Variants in CMSS1 observed in about 807,000 individuals in gnomAD.
CMSS1 encodes the protein protein CMSS1.
In CMSS1, 33 loss-of-function variants were observed where a neutral mutation model predicts 43.5. The ratio of observed to expected loss-of-function variants is 0.76; its 90% CI spans 0.57 to 1.01. CMSS1 has a LOEUF of 1.01. CMSS1 is among the 50% of genes least tolerant of loss of function. CMSS1 has a pLI of 0.00. For synonymous variants in CMSS1, 115 were observed against 117.2 expected, an observed-to-expected ratio of 0.98 and a Z score of 0.12; for missense variants, 313 against 326.4, an observed-to-expected ratio of 0.96 and a Z score of 0.32.
At chr3:100,176,855 T>C (rs1251512859) in intron 9 of CMSS1, among the ~76,000 whole-genome samples, 1 of 152,204 alleles carries the variant, frequency 6.6e-6, no homozygotes, top group African/African-American at 2.4e-5. Flanking sequence ...TTACTTAATT[T>C]AGAAAGATAT....
chr3:99,887,512 C>T (rs976743093), intron 1 of CMSS1, among the ~76,000 whole-genome samples: 2 of 152,128 alleles, frequency 1.3e-5, no homozygotes, highest in Admixed American at 6.6e-5. Flanking sequence ...ATCCAGGCTA[C>T]GAATAGGTCT....
Position 99,872,269 on chromosome 3 carries a change from CTGTGTGTGTGTGTGTG to C in CMSS1, c.64+54265_64+54280del, listed in dbSNP as rs55727823. On this transcript the variant is annotated intron_variant, in intron 1 of 9. Transcript: ENST00000421999. ...ATTCTGTGGATATTCTGTGCCAGGA[CTGTGTGTGTGTGTGTG>C]TGTGTGTGTGTGTGTGTGTGTGTGT... Among the ~76,000 whole-genome samples, 122 of 110,822 alleles carry C rather than the reference CTGTGTGTGTGTGTGTG, an allele frequency of 1.1e-3. 1 individual carries two copies. Among genetic ancestry groups the C allele is most frequent in the African/African-American group, 1.4e-3 (42 of 29,286 alleles). The allele number at this position is 110,822 out of a possible 152,430, so 72.7% of individuals were successfully genotyped here.
chr3:100,045,963 G>A (rs1559738159), intron 1 of CMSS1, among the ~76,000 whole-genome samples: 2 of 152,104 alleles, frequency 1.3e-5, no homozygotes, highest in Non-Finnish European at 2.9e-5. Context: ...AGAAGGGAAG[G>A]GGAAGAAGCT....
intron 1 of CMSS1, among the ~76,000 whole-genome samples, chr3:100,065,865 G>A (rs2065654850): frequency 1.3e-5 from 2 of 152,286 alleles, no homozygotes; most frequent in South Asian, 2.1e-4. Context: ...TGTGTTCTAT[G>A]CTGTAAGGTA....
At chr3:99,881,037 GC>G (rs1254633792) in intron 1 of CMSS1, among the ~76,000 whole-genome samples, 1 of 152,074 alleles carries the variant, frequency 6.6e-6, no homozygotes, top group Non-Finnish European at 1.5e-5. Context: ...CTGCCTGTTG[GC>G]CCCCTAACAT....
intron 1 of CMSS1, among the ~76,000 whole-genome samples, chr3:99,901,532 G>C (rs1382617937): frequency 2.0e-5 from 3 of 152,182 alleles, no homozygotes; most frequent in Non-Finnish European, 2.9e-5. Context: ...TTGGCTATTA[G>C]CCAGATGTTC....
intron 1 of CMSS1, among the ~76,000 whole-genome samples, chr3:99,963,165 T>G (rs1184378827): frequency 6.6e-6 from 1 of 152,198 alleles, no homozygotes; most frequent in East Asian, 1.9e-4. Flanking sequence ...ATGCTCTTAC[T>G]CTTAGGGAAA....
At chr3:99,959,777 GA>G (rs1708439916) in intron 1 of CMSS1, among the ~76,000 whole-genome samples, 1 of 152,128 alleles carries the variant, frequency 6.6e-6, no homozygotes, top group Non-Finnish European at 1.5e-5. Flanking sequence ...TAATTGTATA[GA>G]AAACAATTAA....
chr3:100,162,389 C>T lies in CMSS1; in HGVS notation c.312C>T (p.Ser104=). The change falls in exon 4 of 10, where the codon AGC becomes AGT. Residue 104 remains serine (S), a synonymous_variant. Transcript: ENST00000421999. ...DLQKLMKDYY[S]SRRLVIELEE... is the part of the protein sequence containing the mutation. ...AGAAGCTGATGAAGGACTATTATAG[C>T]AGCAGACGCTTGGTGATTGAATTAG... 6.2e-7 allele frequency: 1 copy of T among 1,613,448 alleles called. No individual in the cohort carries two copies. Among genetic ancestry groups the T allele is most frequent in the Non-Finnish European group, 8.5e-7 (1 of 1,179,538 alleles).
At chr3:99,989,302 T>A (rs1274543941) in intron 1 of CMSS1, among the ~76,000 whole-genome samples, 7 of 152,244 alleles carry the variant, frequency 4.6e-5, no homozygotes, top group Non-Finnish European at 1.0e-4. Flanking sequence ...GGCTCTTGAC[T>A]GCATGTCTAG....
At chr3:100,002,883 C>T (rs958587680) in intron 1 of CMSS1, among the ~76,000 whole-genome samples, 1 of 152,172 alleles carries the variant, frequency 6.6e-6, no homozygotes, top group Admixed American at 6.5e-5. Flanking sequence ...TTCATATTGC[C>T]TTCTCTGATG....
At chr3:99,891,451 C>T (rs1405871246) in intron 1 of CMSS1, among the ~76,000 whole-genome samples, 2 of 152,174 alleles carry the variant, frequency 1.3e-5, no homozygotes, top group Non-Finnish European at 2.9e-5. Context: ...TCTAGGTTTT[C>T]ACTTTTATTC....
At chr3:99,948,678 G>A (rs1448559802) in intron 1 of CMSS1, among the ~76,000 whole-genome samples, 1 of 148,934 alleles carries the variant, frequency 6.7e-6, no homozygotes, top group Non-Finnish European at 1.5e-5. Context: ...GAAAGAGGAA[G>A]AAGAAGAGGA....
At chr3:99,850,020 A>T in intron 1 of CMSS1, 1 of 1,607,500 alleles carries the variant, frequency 6.2e-7, no homozygotes, top group Non-Finnish European at 8.5e-7. Context: ...TTTCTTCTAC[A>T]TCGGTTTTGG....
At chr3:99,973,508 G>A (rs1363524219) in intron 1 of CMSS1, among the ~76,000 whole-genome samples, 1 of 151,490 alleles carries the variant, frequency 6.6e-6, no homozygotes, top group Non-Finnish European at 1.5e-5. Flanking sequence ...TCCTTATTTT[G>A]AAAGTTTAAG....
intron 1 of CMSS1, among the ~76,000 whole-genome samples, chr3:100,143,620 T>C (rs2066822259): frequency 6.6e-6 from 1 of 152,216 alleles, no homozygotes; most frequent in Non-Finnish European, 1.5e-5. Flanking sequence ...CTAGTCATTC[T>C]CTCAATTTTT....
At chr3:100,119,555 C>G (rs1038186415) in intron 1 of CMSS1, among the ~76,000 whole-genome samples, 2 of 152,202 alleles carry the variant, frequency 1.3e-5, no homozygotes, top group Non-Finnish European at 2.9e-5. Context: ...CAGCCTCTGG[C>G]ACATAGTCAA....
chr3:100,109,552 C>A (rs1487335686), intron 1 of CMSS1, among the ~76,000 whole-genome samples: 1 of 152,040 alleles, frequency 6.6e-6, no homozygotes, highest in Admixed American at 6.6e-5. Flanking sequence ...GGGGTTTTTT[C>A]CCACAATGTT....
intron 1 of CMSS1, among the ~76,000 whole-genome samples, chr3:100,142,812 T>G (rs2066815802): frequency 6.6e-6 from 1 of 152,194 alleles, no homozygotes; most frequent in South Asian, 2.1e-4. Flanking sequence ...ATATGTTACT[T>G]TATAATAAAA....
Sources: allele counts gnomAD v4.1 joint callset (sites outside exome capture counted in the v4.1 genomes callset), GRCh38; gene constraint gnomAD v4.1.1; transcripts MANE v1.5; gene names NCBI Gene and HGNC (gene_info 2026-07-23, HGNC 2026-07-21).